TAF1: variants seen among roughly 807,000 people sequenced by gnomAD.
TAF1 encodes TATA-box binding protein associated factor 1, also known as transcription initiation factor TFIID subunit 1.
Under a neutral mutation model 138.5 loss-of-function variants are expected in TAF1, and 2 were observed. The observed-to-expected ratio is 0.01, with a 90% confidence interval of 0.01 to 0.05. The LOEUF is 0.05. Ranked by LOEUF, TAF1 falls within the 10% of genes least tolerant of loss-of-function variation. The probability of loss-of-function intolerance (pLI) is 1.00; values close to 1 mark genes in which losing one functional copy is unlikely to be tolerated. For missense variants in TAF1, 709 were observed against 1,478.0 expected (o/e 0.48, Z 8.53); for synonymous variants, 437 against 503.2 (o/e 0.87, Z 1.76).
chrX:71,529,837 G>A (rs1602129233), exon 15 of TAF1: 1 of 304,743 alleles, frequency 3.3e-6, no homozygotes, highest in Non-Finnish European at 6.4e-6. Flanking sequence ...CCAAGGAGAG[G>A]ACTACAGTGA....
intron 13 of TAF1, among the ~76,000 whole-genome samples, chrX:71,486,179 T>C (rs1478424937): frequency 9.2e-6 from 1 of 109,266 alleles, no homozygotes; most frequent in East Asian, 2.9e-4. Context: ...CTCAGCCTGC[T>C]GAGTGGCTGA....
chrX:71,412,051 G>A (rs773044671), intron 28 of TAF1, among the ~76,000 whole-genome samples: 3 of 110,179 alleles, frequency 2.7e-5, no homozygotes, highest in Non-Finnish European at 5.7e-5. Context: ...GAGCCACCAC[G>A]CCCGGCTGGC....
rs2148488376 is a variant in TAF1 at position 71,408,074 on chromosome X, G to A, written c.4307G>A (p.Arg1436His). 2 of 1,211,518 alleles carry A rather than the reference G, an allele frequency of 1.7e-6. No individual in the cohort carries two copies. The highest frequency in any genetic ancestry group is 2.2e-6 in the Non-Finnish European group (2 of 895,466). Residue 1436 changes from arginine (R) to histidine (H), a missense_variant, in exon 28 of 38, where the codon CGT (arginine) becomes CAT (histidine). Coordinates refer to ENST00000423759, the MANE Select transcript of TAF1 (RefSeq NM_004606.5). The stretch of plus-strand genomic sequence containing the variant: ...CTACAAACACTCCGCGAAAACGTGC[G>A]TAAACGCCTCTACCCATCTCGGGAA... ...MDLQTLRENV[R>H]KRLYPSREEF...
chrX:71,418,768 T>TTTTTTTTA (rs1363070576), intron 28 of TAF1, among the ~76,000 whole-genome samples: 1 of 100,072 alleles, frequency 1.0e-5, no homozygotes, highest in African/African-American at 3.7e-5. Flanking sequence ...GAGATTTTTT[T>TTTTTTTTA]TTTTTTTTTT....
intron 4 of TAF1, among the ~76,000 whole-genome samples, chrX:71,376,530 C>T (rs2033482805): frequency 9.1e-6 from 1 of 109,523 alleles, no homozygotes. Flanking sequence ...AGCCAGCTGT[C>T]GTGGCGCATG....
chrX:71,451,870 C>G (rs1275802205), intron 32 of TAF1, among the ~76,000 whole-genome samples: 6 of 112,368 alleles, frequency 5.3e-5, no homozygotes, highest in African/African-American at 9.7e-5. Context: ...TCTCCCATGT[C>G]TACTTCTTAC....
chrX:71,491,400 T>C (rs2039281791), intron 13 of TAF1, among the ~76,000 whole-genome samples: 1 of 110,705 alleles, frequency 9.0e-6, no homozygotes, highest in Non-Finnish European at 1.9e-5. Context: ...TTCAGGTGTG[T>C]GTGGAGGAAA....
rs147332563 is a variant in TAF1 at position 71,400,175 on chromosome X, C to T, written c.3787-1353C>T. 6.3e-3 allele frequency among the ~76,000 whole-genome samples: 695 copies of T among 109,953 alleles called. 3 individuals are homozygous for T. Among genetic ancestry groups the T allele is most frequent in the Non-Finnish European group, 7.5e-3 (398 of 52,722 alleles). ...TGTGATCTCCACTTACTGCAACCTC[C>T]GGCTTCCAGGTTGAAGAGATTTTCG... On this transcript the variant is annotated intron_variant, in intron 24 of 37. Transcript: ENST00000423759.
At chrX:71,376,096 CTG>C (rs2033454875) in intron 4 of TAF1, among the ~76,000 whole-genome samples, 1 of 111,872 alleles carries the variant, frequency 8.9e-6, no homozygotes, top group African/African-American at 3.2e-5. Context: ...GGCTTGAAAA[CTG>C]GGGAAGAGCA....
chrX:71,381,672 T>C, intron 8 of TAF1, 71 bp from the exon 9 acceptor site: 1 of 1,115,528 alleles, frequency 9.0e-7, no homozygotes, highest in South Asian at 2.0e-5. Flanking sequence ...CTTTTTATCT[T>C]TGCCAGAATC....
chrX:71,423,823 A>G lies in TAF1; in HGVS notation c.4576-151A>G, dbSNP rs1356893992. On this transcript the variant is annotated intron_variant, in intron 30 of 37. Transcript: ENST00000423759. Reference sequence around the variant, plus strand: ...CCTTAAAGGAATCTATGAACCCCTTACATTATAAACAGAAGTTTTGTATGA... The same window carrying G: ...CCTTAAAGGAATCTATGAACCCCTTGCATTATAAACAGAAGTTTTGTATGA... 6.5e-6 allele frequency: 3 copies of G among 462,275 alleles called. No individual in the cohort carries two copies. The African/African-American group carries it at 7.4e-5, about 11-fold the overall frequency. The allele number at this position is 462,275 out of a possible 1,213,427, so 38.1% of individuals were successfully genotyped here.
In TAF1 at chrX:71,366,512, G is replaced by C; in HGVS notation, c.120+18G>C. On this transcript the variant is annotated intron_variant, in intron 1 of 37. Coordinates refer to ENST00000423759, the MANE Select transcript of TAF1 (RefSeq NM_004606.5). ...TGGATGATGTGAGGGGGTGGGCGTG[G>C]GGGTAGGGCTCGGGGGGTGGGGCTA... is the stretch of plus-strand genomic sequence containing the variant. The C allele has an allele frequency of 9.8e-7, 1 of 1,019,306 alleles. No homozygotes were observed. The highest frequency in any genetic ancestry group is 1.3e-6 in the Non-Finnish European group (1 of 759,692). The allele number at this position is 1,019,306 out of a possible 1,213,427, so 84.0% of individuals were successfully genotyped here.
chrX:71,480,532 A>C (rs2039052042), intron 13 of TAF1, among the ~76,000 whole-genome samples: 1 of 112,136 alleles, frequency 8.9e-6, no homozygotes, highest in Admixed American at 9.6e-5. Context: ...TTCTTCTAAA[A>C]GCCAGAAATA....
chrX:71,502,869 C>G (rs1228492573), intron 13 of TAF1, among the ~76,000 whole-genome samples: 2 of 110,511 alleles, frequency 1.8e-5, no homozygotes, highest in African/African-American at 6.6e-5. Flanking sequence ...ACCCAGAAGG[C>G]AGAGGTTGCA....
intron 24 of TAF1, among the ~76,000 whole-genome samples, chrX:71,399,876 C>T (rs1344086521): frequency 1.8e-5 from 2 of 109,762 alleles, no homozygotes; most frequent in African/African-American, 3.3e-5. Flanking sequence ...GGATTACAGG[C>T]GCCCGCCACC....
At chrX:71,425,615 A>G (rs953847501) in intron 32 of TAF1, among the ~76,000 whole-genome samples, 3 of 111,556 alleles carry the variant, frequency 2.7e-5, no homozygotes, top group African/African-American at 9.8e-5. Context: ...CCTGCACTAC[A>G]TCCTGGGCAA....
At chrX:71,502,027 G>T (rs1029342094) in intron 13 of TAF1, among the ~76,000 whole-genome samples, 1 of 111,217 alleles carries the variant, frequency 9.0e-6, no homozygotes, top group African/African-American at 3.3e-5. Context: ...CGGACCCAAA[G>T]AGTAAGCAGC....
At chrX:71,524,645 T>TA (rs1184243073) in intron 13 of TAF1, among the ~76,000 whole-genome samples, 47 of 94,786 alleles carry the variant, frequency 5.0e-4, no homozygotes, top group East Asian at 1.4e-3. Context: ...ATCCTGTTTC[T>TA]AAAAAAAAAA....
intron 36 of TAF1, 69 bp downstream of exon 36, chrX:71,459,777 G>T: frequency 1.7e-6 from 2 of 1,173,154 alleles, no homozygotes; most frequent in Non-Finnish European, 2.3e-6. Context: ...GACTGGATAG[G>T]CGCTCTTGGC....
Sources: allele counts gnomAD v4.1 joint callset (sites outside exome capture counted in the v4.1 genomes callset), GRCh38; gene constraint gnomAD v4.1.1; transcripts MANE v1.5; gene names NCBI Gene and HGNC (gene_info 2026-07-23, HGNC 2026-07-21).